CAPN14: variants seen among roughly 807,000 people sequenced by gnomAD.
CAPN14 encodes the protein calpain-14.
Under a neutral mutation model 101.3 loss-of-function variants are expected in CAPN14, and 94 were observed. The ratio of observed to expected loss-of-function variants is 0.93; its 90% confidence interval spans 0.79 to 1.10. The LOEUF is 1.10. CAPN14 is among the 50% of genes least tolerant of loss of function. The pLI is 0.00. For missense variants in CAPN14, 837 were observed against 828.4 expected (o/e 1.01, Z -0.13); for synonymous variants, 338 against 317.9 (o/e 1.06, Z -0.67).
intron 15 of CAPN14, among the ~76,000 whole-genome samples, chr2:31,187,344 A>C (rs377353438): frequency 6.6e-6 from 1 of 151,052 alleles, no homozygotes; most frequent in Non-Finnish European, 1.5e-5. Flanking sequence ...CCAGGTGACC[A>C]CTCATGGGCC....
At chr2:31,218,387 A>G (rs1209933922), upstream of CAPN14, among the ~76,000 whole-genome samples, 1 of 152,038 alleles carries the variant, frequency 6.6e-6, no homozygotes, top group Non-Finnish European at 1.5e-5. Context: ...GAGGTGCTCA[A>G]TATGTGTCAG....
intron 1 of CAPN14, among the ~76,000 whole-genome samples, chr2:31,232,428 G>C (rs1161704293): frequency 1.3e-5 from 2 of 152,128 alleles, no homozygotes; most frequent in Non-Finnish European, 2.9e-5. Flanking sequence ...TGGTCTCTTG[G>C]CCTCTGTATT....
At chr2:31,211,746 A>G (rs1054091305) in intron 1 of CAPN14, among the ~76,000 whole-genome samples, 1 of 152,082 alleles carries the variant, frequency 6.6e-6, no homozygotes, top group Admixed American at 6.6e-5. Context: ...CTATCTCTGG[A>G]TAATGTGACT....
intron 1 of CAPN14, among the ~76,000 whole-genome samples, chr2:31,227,130 C>A (rs1393796525): frequency 6.6e-6 from 1 of 152,118 alleles, no homozygotes; most frequent in African/African-American, 2.4e-5. Flanking sequence ...AAATGTCTTG[C>A]CTTTGGAAGT....
In CAPN14 at chr2:31,173,320, C is replaced by G. The variant is rs4952051; in HGVS notation, c.*1361G>C. ...CATAAGCTACGCTTTCAAAGTGCTC[C>G]TTTCTTCTGGTACAGTACCCATCTG... On this transcript the variant is annotated 3_prime_UTR_variant, in exon 22 of 22. Transcript: ENST00000403897. The G allele has an allele frequency of 5.3e-5, 8 of 152,136 alleles. No homozygotes were observed. The highest frequency in any genetic ancestry group is 1.9e-4 in the African/African-American group (8 of 41,492). The allele number at this position is 152,136 out of a possible 1,614,324, so 9.4% of individuals were successfully genotyped here.
At chr2:31,183,991 C>T (rs1680784959) in intron 16 of CAPN14, among the ~76,000 whole-genome samples, 1 of 152,154 alleles carries the variant, frequency 6.6e-6, no homozygotes. Context: ...AAGCAATTCT[C>T]CTGCCTCAGC....
intron 1 of CAPN14, among the ~76,000 whole-genome samples, chr2:31,227,501 C>T (rs981662865): frequency 5.9e-5 from 9 of 152,180 alleles, no homozygotes; most frequent in Admixed American, 5.2e-4. Flanking sequence ...ACGTTCAGTA[C>T]TCATTCATCC....
At chr2:31,209,088 A>G (rs1682257057) in intron 1 of CAPN14, among the ~76,000 whole-genome samples, 3 of 150,216 alleles carry the variant, frequency 2.0e-5, no homozygotes, top group Admixed American at 2.0e-4. Flanking sequence ...TTCTGCCTCA[A>G]CCTCTCATGT....
chr2:31,180,462 A>G (rs984372626), intron 17 of CAPN14, among the ~76,000 whole-genome samples: 1 of 152,134 alleles, frequency 6.6e-6, no homozygotes, highest in Non-Finnish European at 1.5e-5. Flanking sequence ...AGGACAGCTG[A>G]GTTTGTGGCA....
At chr2:31,215,089 A>C (rs1682583148) in intron 1 of CAPN14, among the ~76,000 whole-genome samples, 1 of 152,100 alleles carries the variant, frequency 6.6e-6, no homozygotes, top group Non-Finnish European at 1.5e-5. Flanking sequence ...TGACACTTTC[A>C]ACCCCAAGAG....
At chr2:31,174,793 G>A in intron 21 of CAPN14, 86 bp from the exon 22 acceptor site, 1 of 1,314,766 alleles carries the variant, frequency 7.6e-7, no homozygotes, top group Non-Finnish European at 1.1e-6. Context: ...GGGGAGCCAT[G>A]GAGACAGAAC....
At chr2:31,189,918 T>G (rs567953021) in intron 12 of CAPN14, among the ~76,000 whole-genome samples, 1 of 152,222 alleles carries the variant, frequency 6.6e-6, no homozygotes, top group Admixed American at 6.5e-5. Context: ...GCTGCCTCCA[T>G]GTATGTGATA....
Position 31,215,225 on chromosome 2 carries a change from C to T in CAPN14, c.-53+2231G>A, listed in dbSNP as rs116424403. On this transcript the variant is annotated intron_variant, in intron 1 of 21. Coordinates refer to ENST00000403897, the MANE Select transcript of CAPN14 (RefSeq NM_001145122.2). ...TCAAATGATTCTGAACATTTGACAA[C>T]ACATTTGGACAGGAAAGACTTTTAA... is the stretch of plus-strand genomic sequence containing the variant. Among the ~76,000 whole-genome samples, 854 of 151,914 alleles carry T rather than the reference C, an allele frequency of 5.6e-3. 6 individuals are homozygous for T. Among genetic ancestry groups the T allele is most frequent in the African/African-American group, 0.02 (818 of 41,446 alleles).
At chr2:31,233,050 G>A (rs1205042249) in intron 1 of CAPN14, among the ~76,000 whole-genome samples, 1 of 152,144 alleles carries the variant, frequency 6.6e-6, no homozygotes, top group Non-Finnish European at 1.5e-5. Context: ...CCTACACCTG[G>A]ACAGTGTTCC....
Position 31,202,980 on chromosome 2 carries a change from T to TG in CAPN14, c.295+89dup, listed in dbSNP as rs1681874236. 2.7e-6 allele frequency: 3 copies of TG among 1,129,624 alleles called. No homozygotes were observed. The African/African-American group carries it at 4.7e-5, about 18-fold the overall frequency. 70.0% of individuals were successfully genotyped at this position (1,129,624 alleles called of 1,614,324 possible). A position where few individuals can be genotyped will look rare whatever the true frequency, so the allele number is the denominator to read the frequency against. ...TGGGCCTCTCTCCAGTGGGGATCTC[T>TG]GGCTTCTCTTCTTTATCAACCACTC... On this transcript the variant is annotated intron_variant, in intron 3 of 21. Coordinates refer to ENST00000403897, the MANE Select transcript of CAPN14 (RefSeq NM_001145122.2).
chr2:31,201,107 A>ATG (rs1255852378), intron 5 of CAPN14, among the ~76,000 whole-genome samples: 1 of 150,100 alleles, frequency 6.7e-6, no homozygotes, highest in Non-Finnish European at 1.5e-5. Context: ...GTGTGTGTGC[A>ATG]TGTGCGTGTG....
intron 1 of CAPN14, among the ~76,000 whole-genome samples, chr2:31,210,182 G>A (rs916356091): frequency 6.6e-6 from 1 of 152,158 alleles, no homozygotes; most frequent in Non-Finnish European, 1.5e-5. Flanking sequence ...GGTGGCTCAC[G>A]CCTGTAATCC....
At chr2:31,211,236 AAAAG>A (rs1682385170) in intron 1 of CAPN14, among the ~76,000 whole-genome samples, 2 of 103,332 alleles carry the variant, frequency 1.9e-5, no homozygotes, top group East Asian at 4.8e-4. Flanking sequence ...GAAAGAAAGA[AAAAG>A]AGAGAAAGAG....
Position 31,230,625 on chromosome 2 carries a change from A to G in CAPN14, c.-177+3166T>C, listed in dbSNP as rs999907868. 2.0e-5 allele frequency among the ~76,000 whole-genome samples: 3 copies of G among 152,192 alleles called. No individual in the cohort carries two copies. The highest frequency in any genetic ancestry group is 7.2e-5 in the African/African-American group (3 of 41,444). On this transcript the variant is annotated intron_variant and NMD_transcript_variant, in intron 1 of 21. Transcript: ENST00000398824. This position sits in a 1 kb window ranked among gnomAD's most constrained non-coding sequence, Gnocchi z 4.3. ...AGATGCAACATGTTTTCTTGCGTTT[A>G]TAGGGCATTCATGTAGCCTCTTGTA... is the stretch of plus-strand genomic sequence containing the variant.
Sources: allele counts gnomAD v4.1 joint callset (sites outside exome capture counted in the v4.1 genomes callset), GRCh38; gene constraint gnomAD v4.1.1; non-coding constraint Gnocchi (gnomAD v3.1); transcripts MANE v1.5; gene names NCBI Gene and HGNC (gene_info 2026-07-23, HGNC 2026-07-21).